CFAP44: variants seen among roughly 807,000 people sequenced by gnomAD.
CFAP44 encodes cilia- and flagella-associated protein 44.
Under a neutral mutation model 216.2 loss-of-function variants are expected in CFAP44, and 134 were observed. The ratio of observed to expected loss-of-function variants is 0.62; its 90% CI spans 0.54 to 0.72. The LOEUF (loss-of-function observed/expected upper bound fraction) is 0.72, where lower values mean the gene tolerates loss of function less well. CFAP44 is among the 30% of genes least tolerant of loss of function. The probability of loss-of-function intolerance (pLI) is 0.00; values close to 1 mark genes in which losing one functional copy is unlikely to be tolerated. For missense variants in CFAP44, 2,035 were observed against 2,182.1 expected (o/e 0.93, Z 1.34); for synonymous variants, 700 against 727.6 (o/e 0.96, Z 0.61).
chr3:113,423,790 G>A (rs1334876593), intron 4 of CFAP44, among the ~76,000 whole-genome samples: 10 of 152,202 alleles, frequency 6.6e-5, no homozygotes, highest in Non-Finnish European at 1.3e-4. Flanking sequence ...AACCATTCAA[G>A]AATTCGGCAG....
At chr3:113,408,192 T>A (rs1201945368) in intron 7 of CFAP44, among the ~76,000 whole-genome samples, 1 of 152,168 alleles carries the variant, frequency 6.6e-6, no homozygotes, top group East Asian at 1.9e-4. Context: ...AATCAAGTTA[T>A]GGGAAGCTCT....
intron 4 of CFAP44, among the ~76,000 whole-genome samples, chr3:113,424,427 C>T (rs911534193): frequency 6.6e-6 from 1 of 152,118 alleles, no homozygotes; most frequent in African/African-American, 2.4e-5. Context: ...CAGAGCAAGA[C>T]TCCATCTCAA....
intron 2 of CFAP44, among the ~76,000 whole-genome samples, chr3:113,431,607 G>T (rs1559948448): frequency 6.6e-6 from 1 of 152,132 alleles, no homozygotes; most frequent in Non-Finnish European, 1.5e-5. Context: ...GTGGTGTGGA[G>T]GGAGATCTGG....
intron 4 of CFAP44, among the ~76,000 whole-genome samples, chr3:113,420,968 G>C (rs1319755711): frequency 6.6e-6 from 1 of 152,010 alleles, no homozygotes; most frequent in African/African-American, 2.4e-5. Flanking sequence ...ATGCTATAGA[G>C]TAAAATTGTA....
chr3:113,402,271 A>T (rs1012534537), intron 9 of CFAP44, among the ~76,000 whole-genome samples: 4 of 152,146 alleles, frequency 2.6e-5, no homozygotes, highest in African/African-American at 9.7e-5. Flanking sequence ...TTACTATCTC[A>T]TTGGGAAAAT....
At chr3:113,291,856 A>C in intron 34 of CFAP44, 108 bp from the exon 35 acceptor site, 38 of 1,201,572 alleles carry the variant, frequency 3.2e-5, no homozygotes. Flanking sequence ...GTCACCCTAA[A>C]CAGCCACTGT....
intron 15 of CFAP44, among the ~76,000 whole-genome samples, chr3:113,385,002 G>A (rs950053311): frequency 2.6e-5 from 4 of 152,176 alleles, no homozygotes; most frequent in Non-Finnish European, 4.4e-5. Flanking sequence ...GGGACCTGGT[G>A]GAAGGTAATC....
intron 6 of CFAP44, among the ~76,000 whole-genome samples, chr3:113,411,389 T>A (rs1398746397): frequency 9.2e-5 from 14 of 152,284 alleles, no homozygotes; most frequent in African/African-American, 3.4e-4. Flanking sequence ...CCAGCACCAT[T>A]TATTAAATAG....
At chr3:113,385,127 G>A (rs955306323) in intron 15 of CFAP44, among the ~76,000 whole-genome samples, 8 of 152,092 alleles carry the variant, frequency 5.3e-5, no homozygotes, top group African/African-American at 7.2e-5. Context: ...CTTGCCTGCC[G>A]CCATGTAAGA....
intron 22 of CFAP44, among the ~76,000 whole-genome samples, chr3:113,345,050 A>G (rs1042910997): frequency 6.7e-6 from 1 of 148,880 alleles, no homozygotes; most frequent in Non-Finnish European, 1.5e-5. Context: ...AATAGAATCC[A>G]TCTCCCTACA....
chr3:113,416,925 C>A (rs1934662938), intron 5 of CFAP44, among the ~76,000 whole-genome samples: 1 of 152,156 alleles, frequency 6.6e-6, no homozygotes. Flanking sequence ...TCAGAATCCA[C>A]TAAAGAACTT....
chr3:113,293,750 T>C (rs764950219), intron 34 of CFAP44, among the ~76,000 whole-genome samples: 17 of 152,364 alleles, frequency 1.1e-4, no homozygotes, highest in Non-Finnish European at 2.1e-4. Flanking sequence ...TAATCTTCAA[T>C]TATAAGCCTT....
intron 28 of CFAP44, among the ~76,000 whole-genome samples, chr3:113,325,539 G>A (rs1015432205): frequency 6.6e-6 from 1 of 151,678 alleles, no homozygotes; most frequent in Non-Finnish European, 1.5e-5. Context: ...CCGCCTCCTG[G>A]GTTCACGCCA....
At chr3:113,400,413 A>T in intron 12 of CFAP44, 132 bp downstream of exon 12, 1 of 687,574 alleles carries the variant, frequency 1.5e-6, no homozygotes, top group Non-Finnish European at 2.2e-6. Flanking sequence ...CCACAGCTCA[A>T]CTCGCTTGCA....
chr3:113,399,763 C>T (rs1190595378), intron 13 of CFAP44, 143 bp downstream of exon 13: 2 of 558,336 alleles, frequency 3.6e-6, no homozygotes, highest in Admixed American at 3.3e-5. Flanking sequence ...ATTTCTATTA[C>T]ATTCTGACTA....
At chr3:113,338,113 C>T (rs1299774381) in intron 24 of CFAP44, among the ~76,000 whole-genome samples, 1 of 151,116 alleles carries the variant, frequency 6.6e-6, no homozygotes, top group South Asian at 2.1e-4. Context: ...AAAAAAAATG[C>T]AAAAGTGGTG....
At chr3:113,329,932 C>T (rs1015709575) in intron 26 of CFAP44, among the ~76,000 whole-genome samples, 4 of 151,942 alleles carry the variant, frequency 2.6e-5, no homozygotes, top group African/African-American at 9.7e-5. Context: ...CATTCTTTGT[C>T]AGCTTTCCAA....
chr3:113,314,065 C>T (rs1950065609), intron 28 of CFAP44, among the ~76,000 whole-genome samples: 1 of 152,074 alleles, frequency 6.6e-6, no homozygotes. Flanking sequence ...GCCTCAGGGA[C>T]CTTTTGGATT....
intron 25 of CFAP44, among the ~76,000 whole-genome samples, chr3:113,332,851 T>C (rs6438139): frequency 0.091 from 13,864 of 152,148 alleles, 829 homozygotes; most frequent in African/African-American, 0.16. Flanking sequence ...TGGTGGTCCA[T>C]GGCAACGAAA....
Sources: allele counts gnomAD v4.1 joint callset (sites outside exome capture counted in the v4.1 genomes callset), GRCh38; gene constraint gnomAD v4.1.1; transcripts MANE v1.5; gene names NCBI Gene and HGNC (gene_info 2026-07-23, HGNC 2026-07-21).